The following KDF1 variants were observed in gnomAD, a reference collection of about 807,000 sequenced individuals.
KDF1 encodes the protein keratinocyte differentiation factor 1, also known as RP11-344H11.3.
KDF1 carries 11 observed loss-of-function variants against 31.6 expected under a neutral mutation model. The ratio of observed to expected loss-of-function variants is 0.35; its 90% CI spans 0.22 to 0.58. KDF1 has a LOEUF of 0.58. Among genes scored for constraint, KDF1 ranks in the 20% least tolerant of loss-of-function variants. KDF1 has a pLI of 0.83. For missense variants in KDF1, 476 were observed against 549.1 expected (o/e 0.87, Z 1.33); for synonymous variants, 205 against 214.4 (o/e 0.96, Z 0.38).
chr1:26,959,230 G>C (rs2082390164), intron 1 of KDF1, among the ~76,000 whole-genome samples: 1 of 152,126 alleles, frequency 6.6e-6, no homozygotes, highest in Admixed American at 6.5e-5. Flanking sequence ...GAAGACCTGG[G>C]ATAAGGACAA....
At chr1:26,954,928 G>A (rs889106639) in intron 1 of KDF1, among the ~76,000 whole-genome samples, 1 of 148,810 alleles carries the variant, frequency 6.7e-6, no homozygotes, top group East Asian at 2.0e-4. Flanking sequence ...GCGCATTCTC[G>A]GCTCACTGCA....
In KDF1 at chr1:26,951,197, G is replaced by T. The variant is rs369648176; in HGVS notation, c.1039+145C>A. ...GGGCCAGAGTGGGAGCTGGGGAGAG[G>T]GGATGCAAGAGTTGACAGAAAGGAG... On this transcript the variant is annotated intron_variant, in intron 2 of 3. Transcript: ENST00000320567. The surrounding 1 kb of genome is among the most constrained non-coding windows in gnomAD (Gnocchi z 5.4). The T allele has an allele frequency of 1.0e-4, 93 of 908,348 alleles. No homozygotes were observed. The East Asian group carries it at 2.0e-3, about 19-fold the overall frequency. 56.3% of individuals were successfully genotyped at this position (908,348 alleles called of 1,614,324 possible). A position where few individuals can be genotyped will look rare whatever the true frequency, so the allele number is the denominator to read the frequency against.
chr1:26,957,338 G>C (rs552345575), intron 1 of KDF1, among the ~76,000 whole-genome samples: 3 of 152,172 alleles, frequency 2.0e-5, no homozygotes, highest in Non-Finnish European at 4.4e-5. Context: ...AGTCAGATGG[G>C]AGGCCCTCTC....
At position 26,953,379 on chromosome 1, in the gene KDF1, C is replaced by T. The variant is rs142029751; in HGVS notation, c.-32-967G>A. 4.6e-3 allele frequency among the ~76,000 whole-genome samples: 696 copies of T among 152,242 alleles called. 14 individuals are homozygous for T. The highest frequency in any genetic ancestry group is 0.038 in the Admixed American group (584 of 15,282). On this transcript the variant is annotated intron_variant, in intron 1 of 3. Coordinates refer to ENST00000320567, the MANE Select transcript of KDF1 (RefSeq NM_152365.3). ...GGTGGTTCCTCCAAAAATTAAACAT[C>T]GAATTACCACACGACCCAGCAATTC... is the stretch of plus-strand genomic sequence containing the variant.
Position 26,952,061 on chromosome 1 carries a change from C to A in KDF1, c.320G>T (p.Arg107Leu). The A allele has an allele frequency of 6.2e-7, 1 of 1,613,376 alleles. No homozygotes were observed. The highest frequency in any genetic ancestry group is 8.5e-7 in the Non-Finnish European group (1 of 1,179,876). ...DCLQRCGACV[R>L]GCSPCLSTED... The stretch of plus-strand genomic sequence containing the variant: ...AGTAGACAGGCAGGGGCTGCATCCC[C>A]GCACACAGGCTCCACAGCGCTGGAG... Residue 107 changes from arginine to leucine, a missense_variant, in exon 2 of 4, where the codon CGG becomes CTG. Arg to Leu is a moderately radical substitution (Grantham distance 102). Around this residue, in one of 2 missense-constraint regions of KDF1, gnomAD observed 330 missense variants for 332.3 expected, o/e 0.99. Coordinates refer to ENST00000320567, the MANE Select transcript of KDF1 (RefSeq NM_152365.3). This position sits in a 1 kb window ranked among gnomAD's most constrained non-coding sequence, Gnocchi z 4.1.
At position 26,950,046 on chromosome 1, in the gene KDF1, G is replaced by T. The variant is rs1441679034; in HGVS notation, c.*23C>A. On this transcript the variant is annotated 3_prime_UTR_variant, in exon 4 of 4. Transcript: ENST00000320567. The surrounding 1 kb of genome is among the most constrained non-coding windows in gnomAD (Gnocchi z 4.0). ...AGGCCATGCTTCTCCCAGAAAGGGT[G>T]TGGCAGCTGGGCCTGGCAGGGGTTA... 6.2e-7 allele frequency: 1 copy of T among 1,601,242 alleles called. No individual in the cohort carries two copies. Among genetic ancestry groups the T allele is most frequent in the Non-Finnish European group, 8.6e-7 (1 of 1,168,592 alleles).
chr1:26,954,817 A>G (rs1413116162), intron 1 of KDF1, among the ~76,000 whole-genome samples: 2 of 135,344 alleles, frequency 1.5e-5, no homozygotes, highest in African/African-American at 2.8e-5. Flanking sequence ...TGGGTGACAG[A>G]GTGGCAAGAC....
intron 1 of KDF1, among the ~76,000 whole-genome samples, chr1:26,954,164 A>G (rs1249375935): frequency 6.6e-6 from 1 of 151,694 alleles, no homozygotes; most frequent in Non-Finnish European, 1.5e-5. Context: ...TTGTACAACA[A>G]TGTGAATGTA....
At position 26,949,988 on chromosome 1, in the gene KDF1, C is replaced by T. The variant is rs1375035917; in HGVS notation, c.*81G>A. On this transcript the variant is annotated 3_prime_UTR_variant, in exon 4 of 4. Coordinates refer to ENST00000320567, the MANE Select transcript of KDF1 (RefSeq NM_152365.3). ...CACTGCTTCAGGTCTAAGCCTCTCCCACAGGGGTTCCTGGTCCCCCTCTTC... is the reference window on the plus strand; with the variant it reads ...CACTGCTTCAGGTCTAAGCCTCTCCTACAGGGGTTCCTGGTCCCCCTCTTC... 7 of 1,431,666 alleles carry T rather than the reference C, an allele frequency of 4.9e-6. No homozygotes were observed. Among genetic ancestry groups the T allele is most frequent in the Admixed American group, 1.8e-5 (1 of 57,064 alleles). 88.7% of individuals were successfully genotyped at this position (1,431,666 alleles called of 1,614,324 possible). A position where few individuals can be genotyped will look rare whatever the true frequency, so the allele number is the denominator to read the frequency against.
rs1182138110 is a variant in KDF1 at position 26,952,875 on chromosome 1, T to G, written c.-32-463A>C. Among the ~76,000 whole-genome samples, 1 of 151,856 alleles carries G rather than the reference T, an allele frequency of 6.6e-6. No homozygotes were observed. Among genetic ancestry groups the G allele is most frequent in the African/African-American group, 2.4e-5 (1 of 41,330 alleles). ...GGTGGGTGCCTGTAATCCCAGCTAC[T>G]TGGGAGGCTGAGGCAGGAGAATCGC... On this transcript the variant is annotated intron_variant, in intron 1 of 3. Coordinates refer to ENST00000320567, the MANE Select transcript of KDF1 (RefSeq NM_152365.3). This position sits in a 1 kb window ranked among gnomAD's most constrained non-coding sequence, Gnocchi z 4.1.
intron 1 of KDF1, among the ~76,000 whole-genome samples, chr1:26,956,605 G>A (rs566491211): frequency 1.3e-5 from 2 of 152,306 alleles, no homozygotes; most frequent in South Asian, 2.1e-4. Context: ...ACAACTAAAT[G>A]CAGTGTGATC....
Position 26,951,646 on chromosome 1 carries a change from C to T in KDF1, c.735G>A (p.Lys245=). Reference sequence around the variant, plus strand: ...GTACGCTGAACAGCTCTGTCAGCTTCTTGAAGATGAGCACATCAATTTCTC... The same window carrying T: ...GTACGCTGAACAGCTCTGTCAGCTTTTTGAAGATGAGCACATCAATTTCTC... ...SSREIDVLIF[K]KLTELFSVHQ... Residue 245 remains lysine (K), a synonymous_variant, in exon 2 of 4, where the codon AAG becomes AAA. Transcript: ENST00000320567. This position sits in a 1 kb window ranked among gnomAD's most constrained non-coding sequence, Gnocchi z 5.4. 1 of 1,613,978 alleles carries T rather than the reference C, an allele frequency of 6.2e-7. No homozygotes were observed. The highest frequency in any genetic ancestry group is 1.1e-5 in the South Asian group (1 of 91,086).
rs1272155777 is a variant in KDF1 at position 26,959,605 on chromosome 1, G to C, written c.-33+745C>G. 5.3e-5 allele frequency among the ~76,000 whole-genome samples: 8 copies of C among 152,032 alleles called. No individual in the cohort carries two copies. In the East Asian group the frequency reaches 1.2e-3, roughly 22 times the overall value. ...TAAGGCACCGCAAGGATGTTCCCGG[G>C]GGTCAGAGGGTCCCGGCCCGCCCTC... On this transcript the variant is annotated intron_variant, in intron 1 of 3. Transcript: ENST00000320567.
chr1:26,955,886 C>A (rs1486934408), intron 1 of KDF1, among the ~76,000 whole-genome samples: 1 of 152,080 alleles, frequency 6.6e-6, no homozygotes, highest in Non-Finnish European at 1.5e-5. Flanking sequence ...ACTTGGGAGG[C>A]GGAGGTTGCA....
At chr1:26,959,945 C>A (rs2124166758) in intron 1 of KDF1, among the ~76,000 whole-genome samples, 1 of 152,262 alleles carries the variant, frequency 6.6e-6, no homozygotes, top group Non-Finnish European at 1.5e-5. Flanking sequence ...GTCCCCCGGG[C>A]TACCACAGCC....
In KDF1 at chr1:26,950,861, G is replaced by T. The variant is rs1367965391; in HGVS notation, c.1040-105C>A. The T allele has an allele frequency of 2.6e-5, 25 of 968,954 alleles. No homozygotes were observed. In the East Asian group the frequency reaches 6.1e-4, roughly 24 times the overall value. 60.0% of individuals were successfully genotyped at this position (968,954 alleles called of 1,614,324 possible). On this transcript the variant is annotated intron_variant, in intron 2 of 3. Coordinates refer to ENST00000320567, the MANE Select transcript of KDF1 (RefSeq NM_152365.3). This position sits in a 1 kb window ranked among gnomAD's most constrained non-coding sequence, Gnocchi z 4.0. ...TGAGGGAGGAGCCACTCACTCCTGG[G>T]CAGGGCTAGAAAAATAATGCTTAAA...
chr1:26,956,330 C>T (rs2082377141), intron 1 of KDF1, among the ~76,000 whole-genome samples: 1 of 152,178 alleles, frequency 6.6e-6, no homozygotes, highest in African/African-American at 2.4e-5. Flanking sequence ...CACCCAAATA[C>T]TGTCACAGCC....
At position 26,950,059 on chromosome 1, in the gene KDF1, C is replaced by T; in HGVS notation, c.*10G>A. ...CCCAGAAAGGGTGTGGCAGCTGGGC[C>T]TGGCAGGGGTTAGCAGTACACCTGG... On this transcript the variant is annotated 3_prime_UTR_variant, in exon 4 of 4. Coordinates refer to ENST00000320567, the MANE Select transcript of KDF1 (RefSeq NM_152365.3). This position sits in a 1 kb window ranked among gnomAD's most constrained non-coding sequence, Gnocchi z 4.0. The T allele has an allele frequency of 6.2e-7, 1 of 1,611,984 alleles. No homozygotes were observed. Among genetic ancestry groups the T allele is most frequent in the Non-Finnish European group, 8.5e-7 (1 of 1,178,208 alleles).
Position 26,952,411 on chromosome 1 carries a change from A to C in KDF1, c.-31T>G. 6.7e-7 allele frequency: 1 copy of C among 1,490,256 alleles called. No individual in the cohort carries two copies. Among genetic ancestry groups the C allele is most frequent in the Admixed American group, 2.3e-5 (1 of 43,650 alleles). The allele number at this position is 1,490,256 out of a possible 1,614,324, so 92.3% of individuals were successfully genotyped here. ...ATTGCATGGTTTGTAGCAGCCAGGC[A>C]CCTGCGTGGGGAGAGGCCAGGAAGG... On this transcript the variant is annotated splice_region_variant and 5_prime_UTR_variant, in exon 2 of 4. Transcript: ENST00000320567. This position sits in a 1 kb window ranked among gnomAD's most constrained non-coding sequence, Gnocchi z 4.1.
Sources: gnomAD v4.1 joint callset for allele counts (sites outside exome capture counted in the v4.1 genomes callset) on GRCh38, gnomAD v4.1.1 for gene constraint, gnomAD v4.1.1 regional missense constraint, Gnocchi (gnomAD v3.1) non-coding constraint, MANE v1.5 for transcripts, NCBI Gene and HGNC (gene_info 2026-07-23, HGNC 2026-07-21) for gene names.